The following EPB41L5 variants were observed in gnomAD, a reference collection of about 807,000 sequenced individuals.
EPB41L5 encodes band 4.1-like protein 5.
A neutral mutation model predicts 106.6 loss-of-function variants in EPB41L5; 55 were observed. The ratio of observed to expected loss-of-function variants is 0.52; its 90% CI spans 0.42 to 0.65. The LOEUF (loss-of-function observed/expected upper bound fraction) is 0.65, where lower values mean the gene tolerates loss of function less well. Among genes scored for constraint, EPB41L5 ranks in the 30% least tolerant of loss-of-function variants. EPB41L5 has a pLI of 0.00. For synonymous variants in EPB41L5, 297 were observed against 306.7 expected, an observed-to-expected ratio of 0.97 and a Z score of 0.33; for missense variants, 871 against 882.1, an observed-to-expected ratio of 0.99 and a Z score of 0.16.
At chr2:120,096,050 TAG>T (rs1553505900) in intron 14 of EPB41L5, among the ~76,000 whole-genome samples, 1 of 152,208 alleles carries the variant, frequency 6.6e-6, no homozygotes, top group Admixed American at 6.5e-5. Context: ...TGGTATGTAT[TAG>T]AGTCTCCTAG....
At chr2:120,139,016 G>C (rs1686058282) in intron 18 of EPB41L5, among the ~76,000 whole-genome samples, 1 of 151,992 alleles carries the variant, frequency 6.6e-6, no homozygotes, top group African/African-American at 2.4e-5. Flanking sequence ...AGAGAAGCCA[G>C]AAATAAATCC....
chr2:120,078,699 G>A lies in EPB41L5; in HGVS notation c.803+118G>A. 6.5e-6 allele frequency: 4 copies of A among 612,996 alleles called. No homozygotes were observed. In the South Asian group the frequency reaches 8.1e-5, roughly 12 times the overall value. 38.0% of individuals were successfully genotyped at this position (612,996 alleles called of 1,614,324 possible). ...AGTTTTGAAAAACTTGTCAATGAAA[G>A]CAACTGTCTCCTGTCACACTATTAC... On this transcript the variant is annotated intron_variant, in intron 10 of 24. Coordinates refer to ENST00000263713, the MANE Select transcript of EPB41L5 (RefSeq NM_020909.4).
chr2:120,098,189 T>TGTGTGTGTGTGTGTGTGTGTG (rs1553506367), intron 14 of EPB41L5, among the ~76,000 whole-genome samples: 2 of 150,440 alleles, frequency 1.3e-5, no homozygotes, highest in Admixed American at 6.6e-5. Context: ...TGTGTGTGTG[T>TGTGTGTGTGTGTGTGTGTGTG]TTTGGTGGGG....
chr2:120,073,607 T>G (rs1265025365), intron 4 of EPB41L5, among the ~76,000 whole-genome samples: 1 of 152,224 alleles, frequency 6.6e-6, no homozygotes, highest in Non-Finnish European at 1.5e-5. Context: ...TCACATAAAA[T>G]GTTAGTGTCA....
chr2:120,083,463 A>G (rs899205391), intron 10 of EPB41L5, among the ~76,000 whole-genome samples: 1 of 152,176 alleles, frequency 6.6e-6, no homozygotes, highest in Non-Finnish European at 1.5e-5. Flanking sequence ...CTGTGGTCTG[A>G]GAGACAGTTT....
At chr2:120,127,473 T>C (rs1005358054) in intron 16 of EPB41L5, among the ~76,000 whole-genome samples, 2 of 152,220 alleles carry the variant, frequency 1.3e-5, no homozygotes, top group African/African-American at 4.8e-5. Context: ...CATCTGTAGA[T>C]TACATAGAAA....
intron 18 of EPB41L5, among the ~76,000 whole-genome samples, chr2:120,134,696 T>C (rs1232597789): frequency 6.6e-6 from 1 of 152,254 alleles, no homozygotes; most frequent in African/African-American, 2.4e-5. Context: ...CTACCAAGGC[T>C]GTACCTTAAC....
intron 11 of EPB41L5, among the ~76,000 whole-genome samples, chr2:120,089,643 G>T (rs1284971338): frequency 4.0e-5 from 6 of 151,884 alleles, no homozygotes; most frequent in African/African-American, 1.4e-4. Context: ...GACGTTTAGG[G>T]TTTGTACCAA....
chr2:120,022,725 A>G (rs1240234598), intron 2 of EPB41L5, among the ~76,000 whole-genome samples: 1 of 152,138 alleles, frequency 6.6e-6, no homozygotes, highest in Non-Finnish European at 1.5e-5. Context: ...GTCAGGTGAT[A>G]TTTCTGGTTC....
intron 2 of EPB41L5, among the ~76,000 whole-genome samples, chr2:120,020,746 A>T (rs1163994717): frequency 6.6e-6 from 1 of 151,860 alleles, no homozygotes; most frequent in Non-Finnish European, 1.5e-5. Flanking sequence ...ATTTCTTATT[A>T]CCTAATGTTT....
At chr2:120,157,785 A>G (rs572641242) in intron 20 of EPB41L5, among the ~76,000 whole-genome samples, 73 of 151,724 alleles carry the variant, frequency 4.8e-4, no homozygotes, top group Non-Finnish European at 9.3e-4. Flanking sequence ...AAAAAAAAAA[A>G]AATCCAAAAA....
chr2:120,063,437 TA>T (rs924150464), intron 3 of EPB41L5, among the ~76,000 whole-genome samples: 7 of 152,078 alleles, frequency 4.6e-5, no homozygotes, highest in Admixed American at 3.9e-4. Flanking sequence ...TCTCCCTTTT[TA>T]AAGTGTGTTT....
intron 20 of EPB41L5, 134 bp downstream of exon 20, chr2:120,146,423 TA>T (rs1436622205): frequency 1.7e-6 from 1 of 585,858 alleles, no homozygotes; most frequent in Non-Finnish European, 3.1e-6. Flanking sequence ...TTGTATCCAT[TA>T]CAGACCACTT....
chr2:120,066,754 T>C (rs1376079736), intron 3 of EPB41L5, among the ~76,000 whole-genome samples: 2 of 152,186 alleles, frequency 1.3e-5, no homozygotes, highest in Non-Finnish European at 2.9e-5. Context: ...AGCCATGGAA[T>C]ATAGGACAAC....
At chr2:120,128,034 T>C (rs1685535509) in intron 17 of EPB41L5, 183 bp downstream of exon 17, 2 of 449,266 alleles carry the variant, frequency 4.5e-6, no homozygotes, top group South Asian at 1.2e-4. Context: ...GATAACATAA[T>C]TGAGGTCATT....
intron 16 of EPB41L5, among the ~76,000 whole-genome samples, chr2:120,114,495 A>C (rs1229493099): frequency 6.6e-6 from 1 of 152,210 alleles, no homozygotes; most frequent in East Asian, 1.9e-4. Context: ...CGGGTAAGCT[A>C]TAATGCTCTG....
chr2:120,040,711 G>C (rs1679351323), intron 2 of EPB41L5, among the ~76,000 whole-genome samples: 1 of 152,200 alleles, frequency 6.6e-6, no homozygotes, highest in Non-Finnish European at 1.5e-5. Flanking sequence ...ATAAATAGAA[G>C]TATGTCTATA....
intron 11 of EPB41L5, among the ~76,000 whole-genome samples, chr2:120,088,975 TG>T (rs1437580374): frequency 6.6e-6 from 1 of 152,234 alleles, no homozygotes; most frequent in African/African-American, 2.4e-5. Flanking sequence ...ATTAATTCTC[TG>T]TCAGATATTA....
At chr2:120,163,591 GTTTTTTTTT>G (rs34255923) in intron 21 of EPB41L5, among the ~76,000 whole-genome samples, 1 of 138,466 alleles carries the variant, frequency 7.2e-6, no homozygotes, top group African/African-American at 2.7e-5. Flanking sequence ...CCTGTTACTG[GTTTTTTTTT>G]TTTTTTTTTA....
Sources: gnomAD v4.1 joint callset for allele counts (sites outside exome capture counted in the v4.1 genomes callset) on GRCh38, gnomAD v4.1.1 for gene constraint, MANE v1.5 for transcripts, NCBI Gene and HGNC (gene_info 2026-07-23, HGNC 2026-07-21) for gene names.